The following KCNJ6 variants were observed in gnomAD, a reference collection of about 807,000 sequenced individuals.
KCNJ6 encodes the protein potassium inwardly rectifying channel subfamily J member 6.
Under a neutral mutation model 34.2 loss-of-function variants are expected in KCNJ6, and 9 were observed. The ratio of observed to expected loss-of-function variants is 0.26; its 90% CI spans 0.16 to 0.46. The LOEUF is 0.46. Ranked by LOEUF, KCNJ6 falls within the 20% of genes least tolerant of loss-of-function variation. The probability of loss-of-function intolerance (pLI) is 1.00; values close to 1 mark genes in which losing one functional copy is unlikely to be tolerated. For synonymous variants in KCNJ6, 196 were observed against 207.1 expected (o/e 0.95, Z 0.46); for missense variants, 236 against 531.3 (o/e 0.44, Z 5.46).
intron 1 of KCNJ6, among the ~76,000 whole-genome samples, chr21:37,913,229 C>G (rs2055875361): frequency 6.6e-6 from 1 of 152,176 alleles, no homozygotes; most frequent in East Asian, 1.9e-4. Flanking sequence ...ATGGACTTAC[C>G]TGTTTTCCCT....
rs1008801990 is a variant in KCNJ6 at position 37,609,766 on chromosome 21, T to C, written c.*15393A>G. 2.7e-5 allele frequency: 4 copies of C among 150,394 alleles called. No homozygotes were observed. The highest frequency in any genetic ancestry group is 2.1e-4 in the South Asian group (1 of 4,770). The allele number at this position is 150,394 out of a possible 1,614,324, so 9.3% of individuals were successfully genotyped here. On this transcript the variant is annotated 3_prime_UTR_variant, in exon 4 of 4. Transcript: ENST00000609713. ...TCTGACTGGGGCCCTAGGTGCATGC[T>C]TTAGGGAGGGTAGAGCTGGATTTGG...
At chr21:37,834,685 G>T (rs2055443296) in intron 2 of KCNJ6, among the ~76,000 whole-genome samples, 1 of 152,220 alleles carries the variant, frequency 6.6e-6, no homozygotes, top group Admixed American at 6.5e-5. Flanking sequence ...ATTGTAATTG[G>T]TTCTCTGTCT....
intron 2 of KCNJ6, among the ~76,000 whole-genome samples, chr21:37,782,677 T>A (rs1315195033): frequency 6.6e-6 from 1 of 152,178 alleles, no homozygotes; most frequent in African/African-American, 2.4e-5. Context: ...ACTAACTTTA[T>A]CAAGGAAGAA....
At chr21:37,860,738 T>G (rs1168480023) in intron 1 of KCNJ6, among the ~76,000 whole-genome samples, 2 of 152,152 alleles carry the variant, frequency 1.3e-5, no homozygotes, top group Admixed American at 6.5e-5. Context: ...CTATGTCATA[T>G]CATCCAGGTC....
chr21:37,702,184 G>T (rs930508901), intron 3 of KCNJ6, among the ~76,000 whole-genome samples: 2 of 132,504 alleles, frequency 1.5e-5, no homozygotes, highest in Admixed American at 9.0e-5. Context: ...AGTCAGCTGA[G>T]ATCGTACCAC....
intron 2 of KCNJ6, among the ~76,000 whole-genome samples, chr21:37,725,589 C>T (rs944665198): frequency 7.9e-5 from 12 of 152,064 alleles, no homozygotes; most frequent in South Asian, 6.2e-4. Context: ...ACAGTCTTTC[C>T]GGAAGGAAGG....
chr21:37,805,970 A>C (rs1234913976), intron 2 of KCNJ6, among the ~76,000 whole-genome samples: 1 of 152,146 alleles, frequency 6.6e-6, no homozygotes, highest in African/African-American at 2.4e-5. Context: ...CAAGTGAATA[A>C]ATTTCTGTTG....
chr21:37,833,467 G>A (rs558900558), intron 2 of KCNJ6, among the ~76,000 whole-genome samples: 12 of 152,296 alleles, frequency 7.9e-5, no homozygotes, highest in African/African-American at 2.6e-4. Context: ...CAGAGCAGAA[G>A]TGACATGTGT....
chr21:37,859,505 A>ATATATATT (rs1420546280), intron 1 of KCNJ6, among the ~76,000 whole-genome samples: 1 of 45,786 alleles, frequency 2.2e-5, no homozygotes, highest in African/African-American at 6.0e-5. Flanking sequence ...ATATATATAT[A>ATATATATT]TATATATATA....
chr21:37,871,215 C>T lies in KCNJ6; in HGVS notation c.-27-30506G>A, dbSNP rs893408776. On this transcript the variant is annotated intron_variant, in intron 1 of 3. Transcript: ENST00000609713. The stretch of plus-strand genomic sequence containing the variant: ...ATTGGGCACACCTTGCATCCTGTAC[C>T]GTGGGGGGAGCCATGGCCATGAAGA... 8.6e-5 allele frequency among the ~76,000 whole-genome samples: 13 copies of T among 152,018 alleles called. No homozygotes were observed. The East Asian group carries it at 2.5e-3, about 29-fold the overall frequency.
At chr21:37,911,008 G>A (rs1289075487) in intron 1 of KCNJ6, among the ~76,000 whole-genome samples, 1 of 152,168 alleles carries the variant, frequency 6.6e-6, no homozygotes, top group African/African-American at 2.4e-5. Flanking sequence ...TTAGATCAAA[G>A]CTATAGTTTA....
chr21:37,741,965 C>T (rs182626897), intron 2 of KCNJ6, among the ~76,000 whole-genome samples: 10 of 152,312 alleles, frequency 6.6e-5, no homozygotes, highest in South Asian at 2.1e-4. Context: ...GGGACCATCA[C>T]GTGCATTTGG....
At chr21:37,825,119 C>T (rs1235224693) in intron 2 of KCNJ6, among the ~76,000 whole-genome samples, 1 of 152,148 alleles carries the variant, frequency 6.6e-6, no homozygotes, top group East Asian at 1.9e-4. Context: ...GGGGTATTCT[C>T]TCCAAGTCAA....
chr21:37,654,493 A>T (rs1297902987), intron 3 of KCNJ6, among the ~76,000 whole-genome samples: 1 of 152,018 alleles, frequency 6.6e-6, no homozygotes, highest in Non-Finnish European at 1.5e-5. Context: ...CACAGCCCCA[A>T]ATACAGCAGT....
intron 3 of KCNJ6, among the ~76,000 whole-genome samples, chr21:37,645,953 A>T (rs2054402440): frequency 7.7e-5 from 1 of 13,050 alleles, no homozygotes; most frequent in African/African-American, 3.5e-4. Context: ...TCCACTTATG[A>T]CTCTGTTAAG....
chr21:37,859,514 TATATATATATATATATAA>T (rs1286655505), intron 1 of KCNJ6, among the ~76,000 whole-genome samples: 1,114 of 69,774 alleles, frequency 0.016, 80 homozygotes, highest in African/African-American at 0.044. Flanking sequence ...TATATATATA[TATATATATATATATATAA>T]AATACTTAAA....
intron 3 of KCNJ6, among the ~76,000 whole-genome samples, chr21:37,666,624 C>G (rs868230583): frequency 9.2e-5 from 14 of 152,222 alleles, no homozygotes; most frequent in Admixed American, 2.6e-4. Context: ...AAAGTGACAG[C>G]CTTTCTGCAG....
chr21:37,847,474 T>C (rs1015715110), intron 1 of KCNJ6, among the ~76,000 whole-genome samples: 2 of 152,230 alleles, frequency 1.3e-5, no homozygotes, highest in South Asian at 2.1e-4. Context: ...CCGTTCATGC[T>C]GAAGGCAGCA....
chr21:37,861,791 G>A (rs970177584), intron 1 of KCNJ6, among the ~76,000 whole-genome samples: 6 of 152,158 alleles, frequency 3.9e-5, no homozygotes, highest in Admixed American at 2.0e-4. Context: ...GGAACACTCC[G>A]GGCCTTGGAT....
Sources: allele counts gnomAD v4.1 joint callset (sites outside exome capture counted in the v4.1 genomes callset), GRCh38; gene constraint gnomAD v4.1.1; transcripts MANE v1.5; gene names NCBI Gene and HGNC (gene_info 2026-07-23, HGNC 2026-07-21).